Variants in SNRPG observed in about 807,000 individuals in gnomAD.
The protein encoded by SNRPG is small nuclear ribonucleoprotein G.
SNRPG carries 3 observed loss-of-function variants against 13.9 expected under a neutral mutation model. That is an observed-to-expected ratio of 0.22 (90% confidence interval 0.10 to 0.56). The LOEUF (loss-of-function observed/expected upper bound fraction) is 0.56. Among genes scored for constraint, SNRPG ranks in the 20% least tolerant of loss-of-function variants. The probability of loss-of-function intolerance (pLI) is 0.93; values close to 1 mark genes in which losing one functional copy is unlikely to be tolerated. For synonymous variants in SNRPG, 29 were observed against 29.3 expected (o/e 0.99, Z 0.03); for missense variants, 34 against 96.1 (o/e 0.35, Z 2.70).
intron 1 of SNRPG, among the ~76,000 whole-genome samples, chr2:70,290,276 T>C (rs897381632): frequency 2.0e-5 from 3 of 152,150 alleles, no homozygotes; most frequent in Non-Finnish European, 2.9e-5. Context: ...TCCAATTCAA[T>C]AGGTATTTTA....
At chr2:70,288,288 T>G in intron 2 of SNRPG, 96 bp from the exon 3 acceptor site, 1 of 983,310 alleles carries the variant, frequency 1.0e-6, no homozygotes, top group Admixed American at 1.9e-5. Context: ...GTATTTGAGA[T>G]GTCTGAAACC....
intron 3 of SNRPG, among the ~76,000 whole-genome samples, chr2:70,282,891 C>T (rs1345962148): frequency 1.3e-5 from 2 of 151,826 alleles, no homozygotes; most frequent in African/African-American, 4.8e-5. Context: ...GTTGGGAGTT[C>T]GAGACCATCC....
intron 3 of SNRPG, among the ~76,000 whole-genome samples, chr2:70,284,446 C>A (rs1696890935): frequency 1.3e-5 from 2 of 152,150 alleles, no homozygotes; most frequent in Non-Finnish European, 2.9e-5. Flanking sequence ...TGCAGTGGTT[C>A]AATCACAGCT....
intron 3 of SNRPG, chr2:70,287,274 G>C (rs923808081): frequency 1.1e-5 from 8 of 701,748 alleles, no homozygotes; most frequent in Non-Finnish European, 2.1e-5. Flanking sequence ...CCACTCCTTG[G>C]AGGTCTTTAT....
chr2:70,292,999 G>C (rs532527972), intron 1 of SNRPG: 61 of 610,524 alleles, frequency 1.0e-4, no homozygotes, highest in Non-Finnish European at 1.6e-4. Flanking sequence ...AGCCTTCTCT[G>C]ACTAGAAAAA....
intron 3 of SNRPG, among the ~76,000 whole-genome samples, chr2:70,285,104 G>A (rs1696906896): frequency 6.6e-6 from 1 of 152,164 alleles, no homozygotes; most frequent in African/African-American, 2.4e-5. Context: ...TAGCCTGAAA[G>A]TATAAGAGCA....
intron 1 of SNRPG, among the ~76,000 whole-genome samples, chr2:70,290,211 G>A (rs1241649100): frequency 6.6e-6 from 1 of 151,888 alleles, no homozygotes; most frequent in Non-Finnish European, 1.5e-5. Context: ...ACTTGCCTAT[G>A]TTTGGTTATT....
intron 1 of SNRPG, chr2:70,293,354 T>C: frequency 1.6e-6 from 1 of 632,506 alleles, no homozygotes; most frequent in South Asian, 1.8e-5. Context: ...CAGCGCCGGG[T>C]GACCAGGGGC....
intron 3 of SNRPG, among the ~76,000 whole-genome samples, chr2:70,285,504 G>A (rs936156346): frequency 5.3e-5 from 8 of 151,890 alleles, no homozygotes; most frequent in East Asian, 3.9e-4. Context: ...CCCAGGAGGC[G>A]GAGGTTGCAG....
At chr2:70,283,250 TAA>T (rs1187771740) in intron 3 of SNRPG, among the ~76,000 whole-genome samples, 8 of 151,450 alleles carry the variant, frequency 5.3e-5, no homozygotes, top group African/African-American at 1.9e-4. Context: ...CTAAAAACAG[TAA>T]GTCCCTAATA....
In SNRPG at chr2:70,288,228, T is replaced by C. The variant is rs1387762008; in HGVS notation, c.56-36A>G. Reference sequence around the variant, plus strand: ...GAGAAAAAGAAGTTTTAGAAAAACATTCCATTAGCTACCAAGCATTCACTA... The same window carrying C: ...GAGAAAAAGAAGTTTTAGAAAAACACTCCATTAGCTACCAAGCATTCACTA... On this transcript the variant is annotated intron_variant, in intron 2 of 3. Coordinates refer to ENST00000272348, the MANE Select transcript of SNRPG (RefSeq NM_003096.4). 3 of 1,575,676 alleles carry C rather than the reference T, an allele frequency of 1.9e-6. No homozygotes were observed. In the Admixed American group the frequency reaches 5.0e-5, roughly 26 times the overall value.
At chr2:70,283,628 G>C (rs1434391764) in intron 3 of SNRPG, among the ~76,000 whole-genome samples, 4 of 152,114 alleles carry the variant, frequency 2.6e-5, no homozygotes, top group African/African-American at 9.7e-5. Context: ...CAATAACCTG[G>C]TAAATATGAA....
chr2:70,293,444 C>T (rs879613228), intron 1 of SNRPG, 174 bp downstream of exon 1: 3 of 704,678 alleles, frequency 4.3e-6, no homozygotes, highest in Non-Finnish European at 5.2e-6. Context: ...CGCGCGAGCT[C>T]TGCGCGGGCT....
chr2:70,283,594 A>G (rs983615927), intron 3 of SNRPG, among the ~76,000 whole-genome samples: 1 of 152,240 alleles, frequency 6.6e-6, no homozygotes, highest in African/African-American at 2.4e-5. Context: ...AGTGCCTAAA[A>G]TAGTAGCAGG....
chr2:70,287,390 G>C (rs1316327220), intron 3 of SNRPG: 10 of 694,524 alleles, frequency 1.4e-5, no homozygotes, highest in Middle Eastern at 2.3e-4. Flanking sequence ...GACAAAGAGG[G>C]ACTCAAAGTC....
chr2:70,283,442 T>TAGGC lies in SNRPG; in HGVS notation c.181-1762_181-1759dup, dbSNP rs1696863690. ...AAGATTCAAAGTGGAGCTATGCTTATAGGCAGCTAGAGTAAAAGTAGTTGT... is the reference window on the plus strand; with the variant it reads ...AAGATTCAAAGTGGAGCTATGCTTATAGGCAGGCAGCTAGAGTAAAAGTAGTTGT... On this transcript the variant is annotated intron_variant, in intron 3 of 3. Transcript: ENST00000272348. Among the ~76,000 whole-genome samples the TAGGC allele has an allele frequency of 3.3e-5, 5 of 152,210 alleles. No individual in the cohort carries two copies. In the South Asian group the frequency reaches 1.0e-3, roughly 32 times the overall value.
intron 3 of SNRPG, among the ~76,000 whole-genome samples, chr2:70,282,785 A>T (rs969606483): frequency 6.6e-6 from 1 of 152,214 alleles, no homozygotes; most frequent in Non-Finnish European, 1.5e-5. Flanking sequence ...CTAGTAGATA[A>T]GCCATAAATG....
intron 3 of SNRPG, among the ~76,000 whole-genome samples, chr2:70,283,839 G>T (rs1156618891): frequency 6.6e-6 from 1 of 152,204 alleles, no homozygotes; most frequent in Non-Finnish European, 1.5e-5. Flanking sequence ...TGGGCAGATA[G>T]CTTGAGCCCA....
At chr2:70,287,760 T>C (rs772660628) in intron 3 of SNRPG, 11 of 434,380 alleles carry the variant, frequency 2.5e-5, no homozygotes, top group African/African-American at 4.0e-5. Context: ...CATATACACA[T>C]TAAGGTTTCA....
Sources: allele counts gnomAD v4.1 joint callset (sites outside exome capture counted in the v4.1 genomes callset), GRCh38; gene constraint gnomAD v4.1.1; transcripts MANE v1.5; gene names NCBI Gene and HGNC (gene_info 2026-07-23, HGNC 2026-07-21).